SGCZ: variants seen among roughly 807,000 people sequenced by gnomAD.
SGCZ encodes the protein zeta-sarcoglycan.
SGCZ carries 40 observed loss-of-function variants against 41.3 expected under a neutral mutation model. The observed-to-expected ratio is 0.97, with a 90% confidence interval of 0.75 to 1.26. The LOEUF (loss-of-function observed/expected upper bound fraction) is 1.26. SGCZ is among the 50% of genes most tolerant of loss of function. The probability of loss-of-function intolerance (pLI) is 0.00; values close to 1 mark genes in which losing one functional copy is unlikely to be tolerated. For synonymous variants in SGCZ, 206 were observed against 137.5 expected (o/e 1.50, Z -3.49); for missense variants, 552 against 369.8 (o/e 1.49, Z -4.04).
chr8:14,763,196 C>T (rs1174102472), intron 1 of SGCZ, among the ~76,000 whole-genome samples: 1 of 152,128 alleles, frequency 6.6e-6, no homozygotes, highest in African/African-American at 2.4e-5. Context: ...CTGTCAAGTT[C>T]TTAGGAAATC....
chr8:15,216,838 T>G lies in SGCZ; in HGVS notation c.39+20747A>C, dbSNP rs182874432. On this transcript the variant is annotated intron_variant, in intron 1 of 7. Transcript: ENST00000382080. ...GACTAGAATTAGGAGAGAATAAAAC[T>G]CTTCACTTCTTGAGCTATTTCCTTT... is the stretch of plus-strand genomic sequence containing the variant. 2.8e-3 allele frequency among the ~76,000 whole-genome samples: 433 copies of G among 152,178 alleles called. 3 individuals carry two copies. The highest frequency in any genetic ancestry group is 9.9e-3 in the African/African-American group (410 of 41,548).
At chr8:15,032,764 G>T (rs1295845049) in intron 1 of SGCZ, among the ~76,000 whole-genome samples, 5 of 152,058 alleles carry the variant, frequency 3.3e-5, no homozygotes, top group Non-Finnish European at 1.5e-5. Flanking sequence ...CAGACGTCAG[G>T]CCTGCCCTAG....
intron 2 of SGCZ, among the ~76,000 whole-genome samples, chr8:14,441,295 G>T (rs553655889): frequency 6.6e-6 from 1 of 152,058 alleles, no homozygotes; most frequent in Admixed American, 6.6e-5. Context: ...CAATCATTTT[G>T]GCCGGGGACA....
At chr8:15,054,781 C>T (rs1237829443) in intron 1 of SGCZ, among the ~76,000 whole-genome samples, 1 of 151,128 alleles carries the variant, frequency 6.6e-6, no homozygotes, top group Non-Finnish European at 1.5e-5. Flanking sequence ...GGTGAAACCC[C>T]GTCTCTACTA....
chr8:14,935,655 G>A (rs1800060249), intron 1 of SGCZ, among the ~76,000 whole-genome samples: 2 of 151,434 alleles, frequency 1.3e-5, no homozygotes, highest in Admixed American at 6.6e-5. Context: ...ATAGTAAATG[G>A]GGAAAATAAA....
intron 1 of SGCZ, among the ~76,000 whole-genome samples, chr8:14,569,090 T>C (rs533427017): frequency 4.3e-4 from 65 of 152,134 alleles, no homozygotes; most frequent in Non-Finnish European, 6.5e-4. Context: ...ACATCTTTCA[T>C]TCTAACTTTA....
intron 3 of SGCZ, among the ~76,000 whole-genome samples, chr8:14,279,691 A>G (rs974146458): frequency 6.6e-6 from 1 of 152,024 alleles, no homozygotes; most frequent in Non-Finnish European, 1.5e-5. Flanking sequence ...AGTCATGTGT[A>G]TTATCTCAAA....
At chr8:14,708,760 T>C (rs113532260) in intron 1 of SGCZ, among the ~76,000 whole-genome samples, 2,134 of 152,048 alleles carry the variant, frequency 0.014, 21 homozygotes, top group South Asian at 0.019. Flanking sequence ...TGGAACAAGA[T>C]TCTATATGAT....
intron 1 of SGCZ, among the ~76,000 whole-genome samples, chr8:14,799,797 G>A (rs1188141974): frequency 1.3e-5 from 2 of 152,012 alleles, no homozygotes; most frequent in Non-Finnish European, 2.9e-5. Flanking sequence ...TCGCTGGCCT[G>A]CAGTAATTCA....
chr8:14,740,290 G>C (rs186237437), intron 1 of SGCZ, among the ~76,000 whole-genome samples: 105 of 152,074 alleles, frequency 6.9e-4, no homozygotes, highest in African/African-American at 2.5e-3. Context: ...GCTAATTCCA[G>C]GGAAGGATCC....
chr8:14,887,331 T>C (rs1030540304), intron 1 of SGCZ, among the ~76,000 whole-genome samples: 1 of 152,166 alleles, frequency 6.6e-6, no homozygotes, highest in Admixed American at 6.6e-5. Context: ...CCAATATTCA[T>C]TGGATTAACT....
chr8:14,262,828 A>G (rs1375455783), intron 3 of SGCZ, among the ~76,000 whole-genome samples: 1 of 151,826 alleles, frequency 6.6e-6, no homozygotes, highest in Admixed American at 6.6e-5. Flanking sequence ...AGAAAAAAAA[A>G]AAAAACAGCA....
intron 1 of SGCZ, among the ~76,000 whole-genome samples, chr8:15,173,693 G>T (rs1799915850): frequency 6.6e-6 from 1 of 152,080 alleles, no homozygotes; most frequent in Admixed American, 6.5e-5. Flanking sequence ...TTGTAAAGTT[G>T]GAATGGTCAT....
chr8:14,276,070 C>T (rs896277012), intron 3 of SGCZ, among the ~76,000 whole-genome samples: 5 of 152,176 alleles, frequency 3.3e-5, no homozygotes, highest in South Asian at 2.1e-4. Flanking sequence ...GGTGGACCTG[C>T]TTCTTCCTTG....
Position 14,326,750 on chromosome 8 carries a change from G to A in SGCZ, c.235-2546C>T, listed in dbSNP as rs192553682. ...GATGATAATACATCCTGGTTTCTCT[G>A]AGAAAGGGCTGATTTACACCAGTTT... On this transcript the variant is annotated intron_variant, in intron 2 of 7. Transcript: ENST00000382080. Among the ~76,000 whole-genome samples the A allele has an allele frequency of 9.2e-5, 14 of 152,266 alleles. No homozygotes were observed. In the South Asian group the frequency reaches 2.3e-3, roughly 25 times the overall value.
At chr8:14,497,271 C>G (rs1358565799) in intron 2 of SGCZ, among the ~76,000 whole-genome samples, 6 of 152,078 alleles carry the variant, frequency 3.9e-5, no homozygotes, top group Non-Finnish European at 5.9e-5. Flanking sequence ...AGGCCTGAAG[C>G]TTATAATCAT....
intron 1 of SGCZ, among the ~76,000 whole-genome samples, chr8:14,824,131 A>C (rs373206241): frequency 2.0e-5 from 3 of 152,104 alleles, no homozygotes; most frequent in African/African-American, 7.2e-5. Context: ...AGGTTTTTCG[A>C]GAGAAACAGA....
At chr8:14,357,506 T>C (rs1803340509) in intron 2 of SGCZ, among the ~76,000 whole-genome samples, 1 of 152,206 alleles carries the variant, frequency 6.6e-6, no homozygotes, top group Admixed American at 6.5e-5. Flanking sequence ...TGCAGAACTA[T>C]ATGCTGTACC....
In SGCZ at chr8:14,752,704, C is replaced by A. The variant is rs547044649; in HGVS notation, c.40-197778G>T. ...AATGTGCAAGAAGGCAGAATGAATT[C>A]TAGAAATTGTATGGCAGTTTGGAAA... On this transcript the variant is annotated intron_variant, in intron 1 of 7. Coordinates refer to ENST00000382080, the MANE Select transcript of SGCZ (RefSeq NM_139167.4). Among the ~76,000 whole-genome samples, 202 of 152,110 alleles carry A rather than the reference C, an allele frequency of 1.3e-3. 2 individuals carry two copies. Among genetic ancestry groups the A allele is most frequent in the African/African-American group, 4.8e-3 (198 of 41,524 alleles).
Sources: gnomAD v4.1 joint callset for allele counts (sites outside exome capture counted in the v4.1 genomes callset) on GRCh38, gnomAD v4.1.1 for gene constraint, MANE v1.5 for transcripts, NCBI Gene and HGNC (gene_info 2026-07-23, HGNC 2026-07-21) for gene names.